Variants in PPA2 observed in about 807,000 individuals in gnomAD.
PPA2 encodes inorganic pyrophosphatase 2, also known as inorganic pyrophosphatase 2, mitochondrial.
Under a neutral mutation model 49.5 loss-of-function variants are expected in PPA2, and 48 were observed. The ratio of observed to expected loss-of-function variants is 0.97; its 90% CI spans 0.77 to 1.23. The LOEUF (loss-of-function observed/expected upper bound fraction) is 1.23. PPA2 is among the 50% of genes most tolerant of loss of function. The pLI is 0.00. For missense variants in PPA2, 429 were observed against 410.1 expected (o/e 1.05, Z -0.40); for synonymous variants, 131 against 139.9 (o/e 0.94, Z 0.45).
chr4:105,451,042 T>C (rs1722657802), intron 3 of PPA2, among the ~76,000 whole-genome samples: 1 of 152,166 alleles, frequency 6.6e-6, no homozygotes, highest in South Asian at 2.1e-4. Context: ...TTATTTTCGA[T>C]CATGCCACAC....
rs761515078 is a variant in PPA2 at position 105,424,225 on chromosome 4, G to A, written c.626C>T (p.Ala209Val). The A allele has an allele frequency of 1.4e-4, 220 of 1,607,980 alleles. No homozygotes were observed. Among genetic ancestry groups the A allele is most frequent in the Middle Eastern group, 5.0e-4 (3 of 6,046 alleles). Residue 209 changes from alanine (A) to valine (V), a missense_variant, in exon 7 of 12, where the codon GCG (alanine) becomes GTG (valine). Transcript: ENST00000341695. ...AAACTTTGAGGCTTCAGGATCATTC[G>A]CATTGATAGCAATTAATTTCCAATC... is the stretch of plus-strand genomic sequence containing the variant. ...ETDWKLIAIN[A>V]NDPEASKFHD...
chr4:105,449,273 T>C, intron 4 of PPA2, 77 bp downstream of exon 4: 1 of 614,988 alleles, frequency 1.6e-6, no homozygotes, highest in Middle Eastern at 5.1e-4. Flanking sequence ...ATTTAAAATA[T>C]TATGCCAAAC....
In PPA2 at chr4:105,429,395, C is replaced by T. The variant is rs6839972; in HGVS notation, c.529-5073G>A. The stretch of plus-strand genomic sequence containing the variant: ...ATCAATGAGTCTGAGATTTTCAGCA[C>T]GAATATAACTTATTCCCTTATGCCT... On this transcript the variant is annotated intron_variant, in intron 6 of 11. Transcript: ENST00000341695. Among the ~76,000 whole-genome samples, 1,023 of 145,760 alleles carry T rather than the reference C, an allele frequency of 7.0e-3. 13 individuals carry two copies. The highest frequency in any genetic ancestry group is 0.026 in the African/African-American group (971 of 37,424).
At chr4:105,410,670 T>G (rs997244422) in intron 7 of PPA2, among the ~76,000 whole-genome samples, 2 of 152,150 alleles carry the variant, frequency 1.3e-5, no homozygotes, top group African/African-American at 4.8e-5. Flanking sequence ...GAGAGAAAGG[T>G]CAGGTTACCC....
intron 1 of PPA2, among the ~76,000 whole-genome samples, chr4:105,465,112 T>C (rs1723249752): frequency 6.6e-6 from 1 of 152,186 alleles, no homozygotes; most frequent in Non-Finnish European, 1.5e-5. Context: ...CCATCCCACA[T>C]CTAGTGAATC....
At chr4:105,447,260 A>C (rs1326335943) in intron 4 of PPA2, among the ~76,000 whole-genome samples, 3 of 152,196 alleles carry the variant, frequency 2.0e-5, no homozygotes, top group Non-Finnish European at 4.4e-5. Flanking sequence ...GAAACTGGAG[A>C]ACATTATGGC....
intron 1 of PPA2, among the ~76,000 whole-genome samples, chr4:105,462,683 T>C (rs1192991823): frequency 1.3e-5 from 2 of 152,218 alleles, no homozygotes; most frequent in Admixed American, 6.5e-5. Context: ...TTTGGCTGTG[T>C]CCCCACCCAA....
chr4:105,399,505 A>C (rs752134754), intron 7 of PPA2: 6 of 168,074 alleles, frequency 3.6e-5, no homozygotes, highest in Non-Finnish European at 6.3e-5. Flanking sequence ...ATAAACTGCA[A>C]TTAAAATGCA....
At position 105,396,265 on chromosome 4, in the gene PPA2, C is replaced by A; in HGVS notation, c.853G>T (p.Gly285Ter). 6.3e-7 allele frequency: 1 copy of A among 1,587,094 alleles called. No homozygotes were observed. Among genetic ancestry groups the A allele is most frequent in the South Asian group, 1.2e-5 (1 of 86,574 alleles). The change falls in exon 9 of 12, where the codon GGA (glycine) becomes TGA (stop). Residue 285 changes from glycine to a stop codon, truncating the protein, a stop_gained. Coordinates refer to ENST00000341695, the MANE Select transcript of PPA2 (RefSeq NM_176869.3). LOFTEE classifies it high-confidence loss of function. Reference sequence around the variant, plus strand: ...AATTCTTACCAATTTATAGCTCCTCCATTACACTTCTTCATAAGCAATGCT... The same window carrying A: ...AATTCTTACCAATTTATAGCTCCTCAATTACACTTCTTCATAAGCAATGCT... Reference protein sequence around the residue: ...WKALLMKKCNGGAINCTNVQI... With the variant: ...WKALLMKKCN
chr4:105,386,539 A>C, intron 10 of PPA2, 28 bp downstream of exon 10: 1 of 1,581,698 alleles, frequency 6.3e-7, no homozygotes, highest in Non-Finnish European at 8.7e-7. Context: ...TATAAGATTA[A>C]AGGATGTCTT....
At chr4:105,395,346 C>G (rs1734094839) in intron 9 of PPA2, among the ~76,000 whole-genome samples, 1 of 125,466 alleles carries the variant, frequency 8.0e-6, no homozygotes, top group Non-Finnish European at 1.9e-5. Context: ...CACAGGGACT[C>G]TATCGTATTC....
rs1234011420 is a variant in PPA2 at position 105,440,798 on chromosome 4, A to G, written c.442-2762T>C. On this transcript the variant is annotated intron_variant, in intron 5 of 11. Transcript: ENST00000341695. ...TGGTTGGTTGGTCCTCAGAACTCCAATTTCAACATTACCTAGCAATATGGT... is the reference window on the plus strand; with the variant it reads ...TGGTTGGTTGGTCCTCAGAACTCCAGTTTCAACATTACCTAGCAATATGGT... Among the ~76,000 whole-genome samples the G allele has an allele frequency of 3.3e-5, 5 of 152,134 alleles. 1 individual carries two copies. The highest frequency in any genetic ancestry group is 1.3e-4 in the Admixed American group (2 of 15,272).
intron 6 of PPA2, among the ~76,000 whole-genome samples, chr4:105,434,816 G>C (rs1276000605): frequency 6.6e-6 from 1 of 152,122 alleles, no homozygotes; most frequent in Non-Finnish European, 1.5e-5. Flanking sequence ...CAACAGAAAG[G>C]CACAGTTTTA....
intron 5 of PPA2, among the ~76,000 whole-genome samples, chr4:105,438,446 A>G (rs1192611768): frequency 1.3e-5 from 2 of 152,226 alleles, no homozygotes; most frequent in Non-Finnish European, 2.9e-5. Context: ...GTAACAGCAC[A>G]TGGATCTAAA....
At chr4:105,473,664 C>T in intron 1 of PPA2, 1 of 777,906 alleles carries the variant, frequency 1.3e-6, no homozygotes, top group Non-Finnish European at 2.3e-6. Context: ...GGCAGCCCTG[C>T]GCCTCTGCTC....
intron 6 of PPA2, among the ~76,000 whole-genome samples, chr4:105,428,427 C>T (rs1024632855): frequency 6.6e-6 from 1 of 151,788 alleles, no homozygotes; most frequent in Non-Finnish European, 1.5e-5. Context: ...GAGTCAAGAC[C>T]CATCAGTGTG....
rs1240271021 is a variant in PPA2, at chr4:105,392,354, A to T, written c.869+3895T>A. On this transcript the variant is annotated intron_variant, in intron 9 of 11. Transcript: ENST00000341695. ...ATAAAAGCAGTGCTCCTGAAAAGAG[A>T]AGAGTCACTACCTGGATTAAAAAAA... Among the ~76,000 whole-genome samples, 5 of 152,196 alleles carry T rather than the reference A, an allele frequency of 3.3e-5. No individual in the cohort carries two copies. The East Asian group carries it at 9.7e-4, about 29-fold the overall frequency.
chr4:105,468,314 T>C (rs1723390980), intron 1 of PPA2, among the ~76,000 whole-genome samples: 1 of 152,088 alleles, frequency 6.6e-6, no homozygotes, highest in African/African-American at 2.4e-5. Context: ...TTTCAAAGGC[T>C]AGAGTTCGGA....
At chr4:105,430,846 G>A (rs1329887061) in intron 6 of PPA2, among the ~76,000 whole-genome samples, 2 of 152,212 alleles carry the variant, frequency 1.3e-5, no homozygotes, top group African/African-American at 2.4e-5. Context: ...GGGCACTACA[G>A]TATGTCTTCT....
Sources: allele counts gnomAD v4.1 joint callset (sites outside exome capture counted in the v4.1 genomes callset), GRCh38; gene constraint gnomAD v4.1.1; transcripts MANE v1.5; gene names NCBI Gene and HGNC (gene_info 2026-07-23, HGNC 2026-07-21).